The following PLPPR1 variants were observed in gnomAD, a reference collection of about 807,000 sequenced individuals.
PLPPR1 encodes phospholipid phosphatase related 1.
A neutral mutation model predicts 33.1 loss-of-function variants in PLPPR1; 10 were observed. The ratio of observed to expected loss-of-function variants is 0.30; its 90% confidence interval spans 0.19 to 0.51. The LOEUF (loss-of-function observed/expected upper bound fraction) is 0.51. Ranked by LOEUF, PLPPR1 falls within the 20% of genes least tolerant of loss-of-function variation. PLPPR1 has a pLI of 0.97. For synonymous variants in PLPPR1, 151 were observed against 151.0 expected, an observed-to-expected ratio of 1.00 and a Z score of 0.00; for missense variants, 304 against 408.1, an observed-to-expected ratio of 0.74 and a Z score of 2.20.
chr9:101,297,657 C>T (rs1436390578), intron 4 of PLPPR1, among the ~76,000 whole-genome samples: 1 of 152,150 alleles, frequency 6.6e-6, no homozygotes, highest in Non-Finnish European at 1.5e-5. Flanking sequence ...TGTATAGTTT[C>T]TCAAGTTATA....
chr9:101,229,340 C>T (rs1055702281), intron 2 of PLPPR1, among the ~76,000 whole-genome samples: 1 of 152,036 alleles, frequency 6.6e-6, no homozygotes, highest in East Asian at 1.9e-4. Flanking sequence ...CTCATGTGTA[C>T]CCTGTAGCCA....
At chr9:101,295,057 G>A (rs1250261826) in intron 4 of PLPPR1, among the ~76,000 whole-genome samples, 1 of 152,064 alleles carries the variant, frequency 6.6e-6, no homozygotes, top group African/African-American at 2.4e-5. Context: ...AAACCCCATT[G>A]TGTCAGCCCA....
intron 1 of PLPPR1, among the ~76,000 whole-genome samples, chr9:101,051,324 T>C (rs576660933): frequency 6.6e-6 from 1 of 152,182 alleles, no homozygotes; most frequent in African/African-American, 2.4e-5. Flanking sequence ...TCTCTCTGTC[T>C]CTCTCTTGCT....
At chr9:101,193,884 C>T (rs1338597791) in intron 2 of PLPPR1, among the ~76,000 whole-genome samples, 1 of 152,182 alleles carries the variant, frequency 6.6e-6, no homozygotes, top group Non-Finnish European at 1.5e-5. Flanking sequence ...TTATTGGTCT[C>T]AGAGTCACAT....
chr9:101,053,392 G>T (rs1264542770), intron 1 of PLPPR1, among the ~76,000 whole-genome samples: 1 of 152,054 alleles, frequency 6.6e-6, no homozygotes, highest in African/African-American at 2.4e-5. Flanking sequence ...TCCTTGGTTG[G>T]ATCATTACAA....
chr9:101,067,546 T>C (rs1830433825), intron 1 of PLPPR1, among the ~76,000 whole-genome samples: 1 of 152,022 alleles, frequency 6.6e-6, no homozygotes, highest in South Asian at 2.1e-4. Flanking sequence ...AGTTAGAGGA[T>C]GAGTAACATG....
Position 101,300,346 on chromosome 9 carries a change from AATT to A in PLPPR1, c.386-8855_386-8853del, listed in dbSNP as rs573740030. Among the ~76,000 whole-genome samples, 928 of 152,006 alleles carry A rather than the reference AATT, an allele frequency of 6.1e-3. 4 individuals are homozygous for A. The highest frequency in any genetic ancestry group is 8.5e-3 in the Admixed American group (129 of 15,252). On this transcript the variant is annotated intron_variant, in intron 4 of 7. Transcript: ENST00000374874. ...ACACCACCACACCCAGCTAATTTTAAATTATTATTATTTGCAGAGACAGGGTCT... is the reference window on the plus strand; with the variant it reads ...ACACCACCACACCCAGCTAATTTTAAATTATTATTTGCAGAGACAGGGTCT...
At chr9:101,250,845 C>T (rs1679251800) in intron 2 of PLPPR1, among the ~76,000 whole-genome samples, 1 of 152,024 alleles carries the variant, frequency 6.6e-6, no homozygotes, top group South Asian at 2.1e-4. Flanking sequence ...CAAGAGATAG[C>T]CATCCTCACT....
intron 1 of PLPPR1, among the ~76,000 whole-genome samples, chr9:101,034,266 G>C (rs1829983197): frequency 6.6e-6 from 1 of 152,070 alleles, no homozygotes; most frequent in Non-Finnish European, 1.5e-5. Context: ...CTTTCTCCAA[G>C]AGCATGCAAA....
chr9:101,275,175 C>A (rs566873403), intron 3 of PLPPR1, among the ~76,000 whole-genome samples: 12 of 152,284 alleles, frequency 7.9e-5, no homozygotes, highest in African/African-American at 2.6e-4. Flanking sequence ...AACATCAAAT[C>A]TCAAAAGTGT....
At chr9:101,036,982 GCTTAT>G (rs1037880851) in intron 1 of PLPPR1, among the ~76,000 whole-genome samples, 19 of 152,154 alleles carry the variant, frequency 1.2e-4, no homozygotes, top group African/African-American at 4.6e-4. Context: ...CAAAATCTAT[GCTTAT>G]CTTATTTAAT....
intron 1 of PLPPR1, among the ~76,000 whole-genome samples, chr9:101,082,444 G>A (rs1348447369): frequency 6.6e-6 from 1 of 151,960 alleles, no homozygotes; most frequent in Non-Finnish European, 1.5e-5. Flanking sequence ...TATTTTTTTA[G>A]GAAAAAAGTG....
At chr9:101,100,697 C>CGT (rs56760066) in intron 1 of PLPPR1, among the ~76,000 whole-genome samples, 3,691 of 146,892 alleles carry the variant, frequency 0.025, 44 homozygotes, top group African/African-American at 0.041. Flanking sequence ...CTCTTTGTTC[C>CGT]GTGTGTGTGT....
At chr9:101,166,312 G>A (rs918663616) in intron 1 of PLPPR1, among the ~76,000 whole-genome samples, 5 of 152,086 alleles carry the variant, frequency 3.3e-5, no homozygotes, top group African/African-American at 1.2e-4. Context: ...CAGTTTCCTG[G>A]CCCCCTAGCC....
intron 4 of PLPPR1, among the ~76,000 whole-genome samples, chr9:101,304,118 T>A (rs757857671): frequency 2.0e-5 from 3 of 152,232 alleles, no homozygotes; most frequent in Non-Finnish European, 4.4e-5. Context: ...GAGACACTTA[T>A]AAAGTCCCAG....
chr9:101,266,229 C>A (rs1827990405), intron 2 of PLPPR1, among the ~76,000 whole-genome samples: 1 of 151,812 alleles, frequency 6.6e-6, no homozygotes, highest in Non-Finnish European at 1.5e-5. Context: ...GAGTTTGAGA[C>A]CAGCCTGGTC....
chr9:101,119,357 C>T (rs892090730), intron 1 of PLPPR1, among the ~76,000 whole-genome samples: 1 of 152,176 alleles, frequency 6.6e-6, no homozygotes, highest in African/African-American at 2.4e-5. Context: ...AGCCATTTCA[C>T]ACCGTGCTGC....
chr9:101,142,928 C>T (rs1244811267), intron 1 of PLPPR1, among the ~76,000 whole-genome samples: 1 of 151,962 alleles, frequency 6.6e-6, no homozygotes, highest in African/African-American at 2.4e-5. Flanking sequence ...GTGGGTTGGC[C>T]TGAGGGTATT....
chr9:101,226,759 A>G (rs1222485004), intron 2 of PLPPR1, among the ~76,000 whole-genome samples: 1 of 150,548 alleles, frequency 6.6e-6, no homozygotes, highest in Non-Finnish European at 1.5e-5. Context: ...GTGTTTTATC[A>G]AAGCTTATAT....
Sources: allele counts gnomAD v4.1 joint callset (sites outside exome capture counted in the v4.1 genomes callset), GRCh38; gene constraint gnomAD v4.1.1; transcripts MANE v1.5; gene names NCBI Gene and HGNC (gene_info 2026-07-23, HGNC 2026-07-21).